UNC5C: variants seen among roughly 807,000 people sequenced by gnomAD.
UNC5C encodes netrin receptor UNC5C.
In UNC5C, 47 loss-of-function variants were observed where a neutral mutation model predicts 99.8. The ratio of observed to expected loss-of-function variants is 0.47; its 90% CI spans 0.37 to 0.60. The LOEUF (loss-of-function observed/expected upper bound fraction) is 0.60. Among genes scored for constraint, UNC5C ranks in the 20% least tolerant of loss-of-function variants. The probability of loss-of-function intolerance (pLI) is 0.00; values close to 1 mark genes in which losing one functional copy is unlikely to be tolerated. For synonymous variants in UNC5C, 487 were observed against 452.2 expected, an observed-to-expected ratio of 1.08 and a Z score of -0.98; for missense variants, 1,062 against 1,165.9, an observed-to-expected ratio of 0.91 and a Z score of 1.30.
At chr4:95,377,603 G>A (rs1744935084) in intron 1 of UNC5C, among the ~76,000 whole-genome samples, 1 of 152,040 alleles carries the variant, frequency 6.6e-6, no homozygotes. Flanking sequence ...CATGCACTTT[G>A]TTAGGTAATG....
At chr4:95,364,742 A>G (rs1744501895) in intron 1 of UNC5C, among the ~76,000 whole-genome samples, 1 of 152,188 alleles carries the variant, frequency 6.6e-6, no homozygotes, top group African/African-American at 2.4e-5. Context: ...ATGAGTAAGT[A>G]CATCAAAAGT....
chr4:95,533,592 CTTTA>C (rs1484082500), intron 1 of UNC5C, among the ~76,000 whole-genome samples: 10 of 151,846 alleles, frequency 6.6e-5, no homozygotes, highest in African/African-American at 1.5e-4. Context: ...TAATTTAATT[CTTTA>C]TTTGTTTGAA....
In UNC5C at chr4:95,301,501, G is replaced by A. The variant is rs1579308034; in HGVS notation, c.490+105C>T. On this transcript the variant is annotated intron_variant, in intron 3 of 15. Coordinates refer to ENST00000453304, the MANE Select transcript of UNC5C (RefSeq NM_003728.4). Reference sequence around the variant, plus strand: ...TGAGTCACCGCGCCTGGCCTTTCCAGGATTTTTGACCAGTTTTCTTTGGTG... The same window carrying A: ...TGAGTCACCGCGCCTGGCCTTTCCAAGATTTTTGACCAGTTTTCTTTGGTG... The A allele has an allele frequency of 7.2e-6, 11 of 1,526,000 alleles. No homozygotes were observed. In the East Asian group the frequency reaches 2.0e-4, roughly 28 times the overall value. 94.5% of individuals were successfully genotyped at this position (1,526,000 alleles called of 1,614,324 possible).
In UNC5C at chr4:95,304,342, A is replaced by G. The variant is rs72891943; in HGVS notation, c.347-2593T>C. On this transcript the variant is annotated intron_variant, in intron 2 of 15. Transcript: ENST00000453304. ...TTCCAATCCATCACCCTTCTATGGA[A>G]AGAAGATTAGTAGATTATGTTAGCC... Among the ~76,000 whole-genome samples, 1,469 of 152,322 alleles carry G rather than the reference A, an allele frequency of 9.6e-3. 25 individuals are homozygous for G. The highest frequency in any genetic ancestry group is 0.033 in the African/African-American group (1,360 of 41,564).
In UNC5C at chr4:95,548,884, G is replaced by T. The variant is rs979733010; in HGVS notation, c.-27C>A. Reference sequence around the variant, plus strand: ...GTAGACAGAGGTGTGCCGGGGGGAGGGGAGGGGGACAGAGAGACGCGCAAA... The same window carrying T: ...GTAGACAGAGGTGTGCCGGGGGGAGTGGAGGGGGACAGAGAGACGCGCAAA... On this transcript the variant is annotated 5_prime_UTR_variant, in exon 1 of 16. Coordinates refer to ENST00000453304, the MANE Select transcript of UNC5C (RefSeq NM_003728.4). 6.2e-7 allele frequency: 1 copy of T among 1,610,992 alleles called. No homozygotes were observed. The highest frequency in any genetic ancestry group is 8.5e-7 in the Non-Finnish European group (1 of 1,179,114).
chr4:95,423,304 G>T (rs17439744), intron 1 of UNC5C, among the ~76,000 whole-genome samples: 2,577 of 152,272 alleles, frequency 0.017, 32 homozygotes, highest in South Asian at 0.053. Context: ...TGCCCAGAAA[G>T]CACAGGGATT....
At chr4:95,199,573 T>G (rs1052511966) in intron 12 of UNC5C, among the ~76,000 whole-genome samples, 3 of 152,210 alleles carry the variant, frequency 2.0e-5, no homozygotes, top group African/African-American at 7.2e-5. Context: ...TCTTTCTCAC[T>G]ATTGACCATT....
chr4:95,184,434 G>C (rs1560719223), intron 13 of UNC5C, among the ~76,000 whole-genome samples: 2 of 152,184 alleles, frequency 1.3e-5, no homozygotes, highest in Non-Finnish European at 2.9e-5. Context: ...GATGGCATAT[G>C]AGGCTTGCAA....
chr4:95,387,710 T>G (rs143164694), intron 1 of UNC5C, among the ~76,000 whole-genome samples: 1 of 152,368 alleles, frequency 6.6e-6, no homozygotes, highest in Non-Finnish European at 1.5e-5. Flanking sequence ...GTAAGATTTT[T>G]TTCTTTTTGC....
At position 95,539,057 on chromosome 4, in the gene UNC5C, C is replaced by T. The variant is rs186542617; in HGVS notation, c.124+9677G>A. Among the ~76,000 whole-genome samples the T allele has an allele frequency of 6.6e-3, 1,002 of 152,292 alleles. 8 individuals carry two copies. Among genetic ancestry groups the T allele is most frequent in the Middle Eastern group, 0.021 (6 of 292 alleles). On this transcript the variant is annotated intron_variant, in intron 1 of 15. Transcript: ENST00000453304. Reference sequence around the variant, plus strand: ...TCACTTTATTCTGGTCAGAGAAGAACAGTACAACTGACCTCTTCTTCAATC... The same window carrying T: ...TCACTTTATTCTGGTCAGAGAAGAATAGTACAACTGACCTCTTCTTCAATC...
chr4:95,497,243 T>A (rs1721655499), intron 1 of UNC5C, among the ~76,000 whole-genome samples: 2 of 151,964 alleles, frequency 1.3e-5, no homozygotes, highest in African/African-American at 4.8e-5. Flanking sequence ...CTTTAAGGCA[T>A]CTCCATAGTG....
intron 1 of UNC5C, among the ~76,000 whole-genome samples, chr4:95,429,016 C>T (rs1156680696): frequency 6.6e-6 from 1 of 152,034 alleles, no homozygotes; most frequent in East Asian, 1.9e-4. Context: ...TGTTGTACAT[C>T]TAAAAGCTTT....
At chr4:95,284,115 C>T (rs1741151721) in intron 3 of UNC5C, among the ~76,000 whole-genome samples, 1 of 151,760 alleles carries the variant, frequency 6.6e-6, no homozygotes, top group African/African-American at 2.4e-5. Flanking sequence ...AATTTTGATG[C>T]TTTCAGTGAT....
chr4:95,219,267 G>A lies in UNC5C; in HGVS notation c.1347C>T (p.Tyr449=), dbSNP rs2149367799. The A allele has an allele frequency of 6.2e-7, 1 of 1,614,100 alleles. No individual in the cohort carries two copies. The highest frequency in any genetic ancestry group is 8.5e-7 in the Non-Finnish European group (1 of 1,179,994). The part of the protein sequence containing the change: ...PPDLTSAAAM[Y]RGPVYALHDV... ...CATGCAGGGCATAGACAGGTCCTCTGTACATGGCTGCAGCTGACGTGAGGT... is the reference window on the plus strand; with the variant it reads ...CATGCAGGGCATAGACAGGTCCTCTATACATGGCTGCAGCTGACGTGAGGT... Residue 449 remains tyrosine (Y), a synonymous_variant, in exon 9 of 16, where the codon TAC becomes TAT. Coordinates refer to ENST00000453304, the MANE Select transcript of UNC5C (RefSeq NM_003728.4).
At chr4:95,209,925 C>T (rs1330204196) in intron 10 of UNC5C, among the ~76,000 whole-genome samples, 1 of 152,144 alleles carries the variant, frequency 6.6e-6, no homozygotes, top group Non-Finnish European at 1.5e-5. Context: ...GAACATTAAA[C>T]TTTTAAGGAA....
At chr4:95,173,680 A>C (rs1736218334) in intron 14 of UNC5C, among the ~76,000 whole-genome samples, 1 of 151,464 alleles carries the variant, frequency 6.6e-6, no homozygotes, top group Non-Finnish European at 1.5e-5. Context: ...AATGTTCATC[A>C]AGGATATTGG....
At chr4:95,448,123 G>A (rs1317304020) in intron 1 of UNC5C, among the ~76,000 whole-genome samples, 1 of 151,786 alleles carries the variant, frequency 6.6e-6, no homozygotes, top group Non-Finnish European at 1.5e-5. Context: ...ACCCTGATAT[G>A]TCAGGGCGGG....
At position 95,548,906 on chromosome 4, in the gene UNC5C, CA is replaced by C. The variant is rs1412435286; in HGVS notation, c.-50del. On this transcript the variant is annotated 5_prime_UTR_variant, in exon 1 of 16. Coordinates refer to ENST00000453304, the MANE Select transcript of UNC5C (RefSeq NM_003728.4). ...GAGGGGAGGGGGACAGAGAGACGCG[CA>C]AACAGCTGAAAGCCCCACTGGGCAG... 6.2e-7 allele frequency: 1 copy of C among 1,605,872 alleles called. No individual in the cohort carries two copies. Among genetic ancestry groups the C allele is most frequent in the African/African-American group, 1.3e-5 (1 of 74,744 alleles).
At chr4:95,329,638 C>T (rs182065580) in intron 2 of UNC5C, among the ~76,000 whole-genome samples, 4 of 152,162 alleles carry the variant, frequency 2.6e-5, no homozygotes, top group South Asian at 2.1e-4. Flanking sequence ...CAACTCTGCT[C>T]GATTTTCTAT....
Sources: gnomAD v4.1 joint callset for allele counts (sites outside exome capture counted in the v4.1 genomes callset) on GRCh38, gnomAD v4.1.1 for gene constraint, MANE v1.5 for transcripts, NCBI Gene and HGNC (gene_info 2026-07-23, HGNC 2026-07-21) for gene names.